SCML2: variants seen among roughly 807,000 people sequenced by gnomAD.
SCML2 encodes sex comb on midleg-like protein 2.
SCML2 carries 6 observed loss-of-function variants against 48.4 expected under a neutral mutation model. That is an observed-to-expected ratio of 0.12 (90% CI 0.07 to 0.24). The LOEUF is 0.24. Ranked by LOEUF, SCML2 falls within the 10% of genes least tolerant of loss-of-function variation. The pLI is 1.00. For missense variants in SCML2, 377 were observed against 528.2 expected (o/e 0.71, Z 2.81); for synonymous variants, 181 against 189.5 (o/e 0.95, Z 0.37).
At chrX:18,326,105 C>A (rs1332730856) in intron 3 of SCML2, among the ~76,000 whole-genome samples, 2 of 112,291 alleles carry the variant, frequency 1.8e-5, no homozygotes, top group Non-Finnish European at 3.8e-5. Context: ...AAACCACCAA[C>A]CATGAAATTG....
chrX:18,317,665 T>C (rs1456749112), intron 6 of SCML2, among the ~76,000 whole-genome samples: 1 of 109,365 alleles, frequency 9.1e-6, no homozygotes, highest in Non-Finnish European at 1.9e-5. Context: ...ACCCCGTCTC[T>C]ACTAAAAAAA....
intron 1 of SCML2, 107 bp from the exon 2 acceptor site, chrX:18,334,202 A>C: frequency 1.9e-6 from 1 of 521,057 alleles, no homozygotes; most frequent in South Asian, 4.5e-5. Flanking sequence ...CCCTTAAACA[A>C]AAATGATAAG....
intron 6 of SCML2, among the ~76,000 whole-genome samples, chrX:18,312,274 C>T (rs1345859819): frequency 9.0e-6 from 1 of 111,007 alleles, no homozygotes; most frequent in African/African-American, 3.3e-5. Context: ...ATACATTTGT[C>T]CCTCAGAATC....
At chrX:18,304,852 G>A (rs770741025) in intron 7 of SCML2, 120 bp downstream of exon 7, 15 of 809,979 alleles carry the variant, frequency 1.9e-5, no homozygotes, top group Admixed American at 1.2e-4. Context: ...GCTTTGTTCT[G>A]TCTGCCACCA....
intron 11 of SCML2, 61 bp from the exon 12 acceptor site, chrX:18,247,943 TATC>T: frequency 1.3e-6 from 1 of 773,737 alleles, no homozygotes; most frequent in Non-Finnish European, 2.0e-6. Context: ...AGCATTTTCA[TATC>T]ATCAGCATGA....
chrX:18,324,826 A>G (rs894776553), intron 4 of SCML2, 81 bp downstream of exon 4: 5 of 718,701 alleles, frequency 7.0e-6, no homozygotes, highest in African/African-American at 4.2e-5. Context: ...TCCTCACACT[A>G]CCAGAATCTA....
intron 7 of SCML2, among the ~76,000 whole-genome samples, chrX:18,278,394 C>G (rs1054032818): frequency 9.0e-6 from 1 of 111,684 alleles, no homozygotes; most frequent in Non-Finnish European, 1.9e-5. Flanking sequence ...ACTCTGGCCA[C>G]GGACCTCTGT....
At chrX:18,309,482 T>A (rs1053013774) in intron 6 of SCML2, among the ~76,000 whole-genome samples, 1 of 112,020 alleles carries the variant, frequency 8.9e-6, no homozygotes, top group Non-Finnish European at 1.9e-5. Flanking sequence ...TGTTCGCGTA[T>A]GTTCATTGCA....
chrX:18,264,485 G>C (rs1436973332), intron 8 of SCML2, among the ~76,000 whole-genome samples: 1 of 102,169 alleles, frequency 9.8e-6, no homozygotes, highest in Non-Finnish European at 2.0e-5. Flanking sequence ...GTGTGTCTGT[G>C]TAATGTCATC....
chrX:18,351,749 GTT>G (rs1930383709), intron 1 of SCML2, among the ~76,000 whole-genome samples: 1 of 109,310 alleles, frequency 9.1e-6, no homozygotes, highest in African/African-American at 3.3e-5. Context: ...CCGTGTTCCA[GTT>G]ACTAGAGTTA....
At chrX:18,300,215 C>T (rs1928540547) in intron 7 of SCML2, among the ~76,000 whole-genome samples, 1 of 109,078 alleles carries the variant, frequency 9.2e-6, no homozygotes, top group African/African-American at 3.3e-5. Flanking sequence ...GCCTGGGTAA[C>T]ATGGTGAAAC....
intron 1 of SCML2, among the ~76,000 whole-genome samples, chrX:18,347,436 A>G (rs1211510118): frequency 2.9e-5 from 3 of 104,900 alleles, no homozygotes; most frequent in African/African-American, 1.1e-4. Context: ...CAAGAGTAAA[A>G]TTCCATTTCA....
intron 6 of SCML2, among the ~76,000 whole-genome samples, chrX:18,305,731 G>A (rs1928735066): frequency 9.7e-6 from 1 of 102,573 alleles, no homozygotes; most frequent in South Asian, 4.3e-4. Context: ...CAAAGTATAA[G>A]AATTCTAAAG....
chrX:18,247,867 G>A lies in SCML2; in HGVS notation c.1472C>T (p.Thr491Ile). The change falls in exon 12 of 15, where the codon ACA becomes ATA. Residue 491 changes from threonine (T) to isoleucine (I), a missense_variant. Physicochemically the swap from Thr to Ile is moderately conservative, Grantham distance 89. Coordinates refer to ENST00000251900, the MANE Select transcript of SCML2 (RefSeq NM_006089.3). ...DKNQSAKEDV[T>I]ERQSTKRSPQ... ...AGATCGTTTGGTGCTTTGCCTTTCTGTTACATCTTCTTTTGCTGTTTTCAA... is the reference window on the plus strand; with the variant it reads ...AGATCGTTTGGTGCTTTGCCTTTCTATTACATCTTCTTTTGCTGTTTTCAA... 8.3e-7 allele frequency: 1 copy of A among 1,203,962 alleles called. No homozygotes were observed. Among genetic ancestry groups the A allele is most frequent in the South Asian group, 1.8e-5 (1 of 56,593 alleles).
intron 8 of SCML2, 34 bp downstream of exon 8, chrX:18,265,551 C>A: frequency 9.4e-7 from 1 of 1,069,442 alleles, no homozygotes; most frequent in East Asian, 3.0e-5. Flanking sequence ...ACTATAAAAA[C>A]CTATAATACA....
intron 1 of SCML2, among the ~76,000 whole-genome samples, chrX:18,335,270 G>A (rs1929775595): frequency 9.0e-6 from 1 of 111,441 alleles, no homozygotes; most frequent in African/African-American, 3.3e-5. Flanking sequence ...TTGGGAAGCC[G>A]AGGTGGGTGG....
intron 7 of SCML2, among the ~76,000 whole-genome samples, chrX:18,280,155 C>G (rs928448554): frequency 8.9e-6 from 1 of 111,741 alleles, no homozygotes; most frequent in Admixed American, 9.5e-5. Flanking sequence ...ATCAGACTAT[C>G]AGTAGACCCT....
intron 7 of SCML2, among the ~76,000 whole-genome samples, chrX:18,288,656 C>G (rs190762994): frequency 1.4e-4 from 15 of 111,047 alleles, no homozygotes; most frequent in Non-Finnish European, 2.5e-4. Context: ...TTTCTTTAAC[C>G]ACACTTCAAT....
intron 13 of SCML2, among the ~76,000 whole-genome samples, chrX:18,244,691 A>C (rs1169392301): frequency 1.8e-5 from 2 of 111,504 alleles, no homozygotes; most frequent in African/African-American, 6.5e-5. Context: ...ATACACTGGC[A>C]TATCAATAAA....
Sources: allele counts gnomAD v4.1 joint callset (sites outside exome capture counted in the v4.1 genomes callset), GRCh38; gene constraint gnomAD v4.1.1; transcripts MANE v1.5; gene names NCBI Gene and HGNC (gene_info 2026-07-23, HGNC 2026-07-21).